The following FAM178B variants were observed in gnomAD, a reference collection of about 807,000 sequenced individuals.
FAM178B encodes family with sequence similarity 178 member B.
Under a neutral mutation model 91.7 loss-of-function variants are expected in FAM178B, and 82 were observed. The ratio of observed to expected loss-of-function variants is 0.89; its 90% CI spans 0.75 to 1.07. The LOEUF (loss-of-function observed/expected upper bound fraction) is 1.07, where lower values mean the gene tolerates loss of function less well. FAM178B is among the 50% of genes least tolerant of loss of function. FAM178B has a pLI of 0.00. For missense variants in FAM178B, 769 were observed against 846.7 expected (o/e 0.91, Z 1.14); for synonymous variants, 368 against 359.4 (o/e 1.02, Z -0.27).
chr2:96,967,909 G>GTATTTTTTTTTTTTTT (rs1318481195), intron 4 of FAM178B, among the ~76,000 whole-genome samples: 1 of 40,228 alleles, frequency 2.5e-5, no homozygotes, highest in African/African-American at 5.6e-5. Context: ...ACCCTGTTTG[G>GTATTTTTTTTTTTTTT]TCTTTTTTTT....
intron 6 of FAM178B, among the ~76,000 whole-genome samples, chr2:96,953,431 C>A (rs114065350): frequency 2.3e-3 from 343 of 152,308 alleles, no homozygotes; most frequent in African/African-American, 7.5e-3. Flanking sequence ...GGAGGGGGCA[C>A]CCCGCCAGTT....
Position 96,936,083 on chromosome 2 carries a change from T to A in FAM178B, c.1079-6763A>T, listed in dbSNP as rs371708896. 5.9e-5 allele frequency among the ~76,000 whole-genome samples: 9 copies of A among 152,240 alleles called. No homozygotes were observed. In the South Asian group the frequency reaches 1.7e-3, roughly 28 times the overall value. The stretch of plus-strand genomic sequence containing the variant: ...CTGGTGGGTGGGTGGGAGTGGAGAA[T>A]GAGTATACAGAAACTACTTTCTGAT... On this transcript the variant is annotated intron_variant, in intron 8 of 16. Transcript: ENST00000490605.
chr2:96,967,897 G>A (rs1034694708), intron 4 of FAM178B, among the ~76,000 whole-genome samples: 1 of 115,378 alleles, frequency 8.7e-6, no homozygotes, highest in South Asian at 2.6e-4. Context: ...CTTTACTTGT[G>A]TACCCTGTTT....
At chr2:96,897,200 C>A (rs1235619137) in intron 13 of FAM178B, among the ~76,000 whole-genome samples, 1 of 152,082 alleles carries the variant, frequency 6.6e-6, no homozygotes, top group Admixed American at 6.6e-5. Flanking sequence ...ATCACCTATT[C>A]CCCCCCACTC....
chr2:96,942,126 A>G (rs1302628674), intron 8 of FAM178B, among the ~76,000 whole-genome samples: 2 of 152,248 alleles, frequency 1.3e-5, no homozygotes, highest in Non-Finnish European at 2.9e-5. Context: ...AAAAGAATAA[A>G]ATACTTAGGA....
At chr2:96,952,138 T>C (rs2081937868) in intron 6 of FAM178B, among the ~76,000 whole-genome samples, 2 of 152,118 alleles carry the variant, frequency 1.3e-5, no homozygotes, top group Non-Finnish European at 2.9e-5. Context: ...GGAGTGGGTG[T>C]CTTAGCCTCG....
intron 10 of FAM178B, among the ~76,000 whole-genome samples, chr2:96,922,663 T>C (rs1375032494): frequency 6.6e-6 from 1 of 151,872 alleles, no homozygotes; most frequent in Admixed American, 6.6e-5. Flanking sequence ...TCGTTTACTT[T>C]CTTAATAAAC....
At chr2:96,919,859 GGACT>G (rs2081303629) in intron 12 of FAM178B, among the ~76,000 whole-genome samples, 1 of 152,196 alleles carries the variant, frequency 6.6e-6, no homozygotes, top group South Asian at 2.1e-4. Context: ...GAAAGAGATG[GGACT>G]GCCTGCTCAG....
chr2:96,889,151 G>A (rs1432552745), intron 14 of FAM178B, among the ~76,000 whole-genome samples: 1 of 152,222 alleles, frequency 6.6e-6, no homozygotes, highest in Non-Finnish European at 1.5e-5. Context: ...CATGCCCAGA[G>A]GGCAGCTGGG....
At chr2:96,914,357 G>A (rs1395441161) in intron 12 of FAM178B, among the ~76,000 whole-genome samples, 1 of 152,208 alleles carries the variant, frequency 6.6e-6, no homozygotes, top group Non-Finnish European at 1.5e-5. Context: ...GCATGAGGGA[G>A]GGTGGGCATC....
chr2:96,878,500 G>A lies in FAM178B; in HGVS notation c.1777-7C>T, dbSNP rs1198366595. On this transcript the variant is annotated splice_polypyrimidine_tract_variant and splice_region_variant and intron_variant, in intron 14 of 16. Transcript: ENST00000490605. ...TGTGGCACAGGTAGCAGGCCTGGAG[G>A]GAGAGCACAGGGAGAGCTGCTTCTC... The A allele has an allele frequency of 6.2e-7, 1 of 1,613,496 alleles. No homozygotes were observed. Among genetic ancestry groups the A allele is most frequent in the African/African-American group, 1.3e-5 (1 of 75,032 alleles).
chr2:96,986,504 T>A lies in FAM178B; in HGVS notation c.-191A>T. 2.9e-6 allele frequency: 2 copies of A among 682,764 alleles called. No homozygotes were observed. Among genetic ancestry groups the A allele is most frequent in the Non-Finnish European group, 4.7e-6 (2 of 425,110 alleles). The allele number at this position is 682,764 out of a possible 1,614,324, so 42.3% of individuals were successfully genotyped here. On this transcript the variant is annotated 5_prime_UTR_variant, in exon 1 of 17. Transcript: ENST00000490605. ...GAACCTAAAGATCCAGTTCTGGGGA[T>A]TGAGTTCCGACTCCAAACCAAGCGG...
chr2:96,956,026 C>G (rs1796047), intron 6 of FAM178B, among the ~76,000 whole-genome samples: 114,678 of 152,094 alleles, frequency 0.75, 44,361 homozygotes, highest in Middle Eastern at 0.83. Flanking sequence ...CGCTGGTCCT[C>G]GCACCAACAG....
At chr2:96,928,783 G>A (rs528648162) in intron 9 of FAM178B, among the ~76,000 whole-genome samples, 31 of 152,196 alleles carry the variant, frequency 2.0e-4, no homozygotes, top group African/African-American at 6.3e-4. Context: ...ATCCTCAGGC[G>A]GGGGTGTGTG....
In FAM178B at chr2:96,951,324, C is replaced by G. The variant is rs919424634; in HGVS notation, c.993+55G>C. Reference sequence around the variant, plus strand: ...CCCACCCCTCAGCCTGTGGGCCTGCCGGGCCACCAGACTGCAGCGCTCCCG... The same window carrying G: ...CCCACCCCTCAGCCTGTGGGCCTGCGGGGCCACCAGACTGCAGCGCTCCCG... On this transcript the variant is annotated intron_variant, in intron 7 of 16. Transcript: ENST00000490605. 7.5e-6 allele frequency: 10 copies of G among 1,324,946 alleles called. No homozygotes were observed. The African/African-American group carries it at 1.5e-4, about 19-fold the overall frequency. The allele number at this position is 1,324,946 out of a possible 1,614,324, so 82.1% of individuals were successfully genotyped here. A position where few individuals can be genotyped will look rare whatever the true frequency, so the allele number is the denominator to read the frequency against.
At chr2:96,966,386 G>A (rs2082144194) in intron 5 of FAM178B, among the ~76,000 whole-genome samples, 1 of 152,092 alleles carries the variant, frequency 6.6e-6, no homozygotes, top group Non-Finnish European at 1.5e-5. Flanking sequence ...CATCATCAGA[G>A]CCCACACCTT....
chr2:96,937,925 C>T (rs547672415), intron 8 of FAM178B, among the ~76,000 whole-genome samples: 17 of 152,160 alleles, frequency 1.1e-4, no homozygotes, highest in South Asian at 1.0e-3. Context: ...CCACTCAGGA[C>T]GCTGAGGCAG....
chr2:96,903,368 T>C (rs1267015958), intron 12 of FAM178B, among the ~76,000 whole-genome samples: 1 of 152,242 alleles, frequency 6.6e-6, no homozygotes, highest in Non-Finnish European at 1.5e-5. Context: ...CTCTGCCTCT[T>C]CTTTCCTTTG....
chr2:96,983,158 T>C (rs2082383945), intron 1 of FAM178B, among the ~76,000 whole-genome samples: 1 of 151,164 alleles, frequency 6.6e-6, no homozygotes, highest in African/African-American at 2.4e-5. Context: ...TGGGATTCCA[T>C]GAGCCACCAT....
Sources: gnomAD v4.1 joint callset for allele counts (sites outside exome capture counted in the v4.1 genomes callset) on GRCh38, gnomAD v4.1.1 for gene constraint, MANE v1.5 for transcripts, NCBI Gene and HGNC (gene_info 2026-07-23, HGNC 2026-07-21) for gene names.